Variants in FGF13 observed in about 807,000 individuals in gnomAD.
The protein encoded by FGF13 is fibroblast growth factor homologous factor 2.
Under a neutral mutation model 19.5 loss-of-function variants are expected in FGF13, and 2 were observed. The observed-to-expected ratio is 0.10, with a 90% CI of 0.04 to 0.32. The LOEUF is 0.32. FGF13 is among the 10% of genes least tolerant of loss of function. The pLI is 1.00. For missense variants in FGF13, 113 were observed against 192.7 expected (o/e 0.59, Z 2.45); for synonymous variants, 72 against 76.9 (o/e 0.94, Z 0.33).
rs7891298 is a variant in FGF13 at position 139,053,616 on chromosome X, C to G, written c.-113+149800G>C. On this transcript the variant is annotated intron_variant, in intron 1 of 2. Transcript: ENST00000421460. ...ATGGGACTGTGTGGTTATTTTCTTA[C>G]TGATTGGTTTGAGTTCCTTGTAGAT... is the stretch of plus-strand genomic sequence containing the variant. Among the ~76,000 whole-genome samples, 724 of 111,045 alleles carry G rather than the reference C, an allele frequency of 6.5e-3. 9 individuals carry two copies. Among genetic ancestry groups the G allele is most frequent in the African/African-American group, 0.022 (679 of 30,510 alleles).
At chrX:138,890,639 C>A (rs894584379) in intron 1 of FGF13, among the ~76,000 whole-genome samples, 1 of 111,949 alleles carries the variant, frequency 8.9e-6, no homozygotes, top group Non-Finnish European at 1.9e-5. Flanking sequence ...GAAGTTTTAG[C>A]ATTCTTTTTG....
At position 138,708,880 on chromosome X, in the gene FGF13, T is replaced by C; in HGVS notation, c.236A>G (p.Tyr79Cys). Residue 79 changes from tyrosine to cysteine, a missense_variant, in exon 2 of 5, where the codon TAC becomes TGC. Physicochemically the swap from Tyr to Cys is radical, Grantham distance 194 (BLOSUM62 -2). Around this residue, in one of 4 missense-constraint regions of FGF13, gnomAD observed 51 missense variants for 78.5 expected, o/e 0.65. Transcript: ENST00000315930. ...TCCATCCGCCTGCAGCTGCAAGTGG[T>C]AGCCTTGTCGGCTGTATAGCTTGGT... ...IVTKLYSRQG[Y>C]HLQLQADGTI... 8.3e-7 allele frequency: 1 copy of C among 1,210,571 alleles called. No individual in the cohort carries two copies. Among genetic ancestry groups the C allele is most frequent in the Non-Finnish European group, 1.1e-6 (1 of 894,203 alleles).
chrX:138,801,316 G>C (rs958445615), intron 3 of FGF13, among the ~76,000 whole-genome samples: 11 of 112,127 alleles, frequency 9.8e-5, no homozygotes, highest in Admixed American at 6.6e-4. Context: ...TTGTTTGTTA[G>C]TTTTTCTTCT....
At chrX:138,823,930 G>A (rs774392046) in intron 3 of FGF13, among the ~76,000 whole-genome samples, 1 of 111,936 alleles carries the variant, frequency 8.9e-6, no homozygotes, top group South Asian at 3.7e-4. Context: ...TCATTTTCTT[G>A]CATGTCCTAT....
intron 3 of FGF13, among the ~76,000 whole-genome samples, chrX:138,765,678 C>G (rs2090497660): frequency 1.8e-5 from 2 of 111,924 alleles, no homozygotes; most frequent in Admixed American, 9.5e-5. Flanking sequence ...TGAATCACCA[C>G]TGTGTCCTTT....
chrX:138,940,189 T>C (rs1384799385), intron 1 of FGF13, among the ~76,000 whole-genome samples: 1 of 111,954 alleles, frequency 8.9e-6, no homozygotes, highest in Non-Finnish European at 1.9e-5. Context: ...AGCTTTTTTT[T>C]ATATCCTTAT....
At chrX:138,705,020 C>T (rs1015150173) in intron 2 of FGF13, among the ~76,000 whole-genome samples, 3 of 111,485 alleles carry the variant, frequency 2.7e-5, no homozygotes, top group Non-Finnish European at 3.8e-5. Context: ...AGTAAGAGAC[C>T]ACAATCCCAT....
At chrX:138,971,464 C>G (rs1356640363) in intron 1 of FGF13, among the ~76,000 whole-genome samples, 1 of 111,674 alleles carries the variant, frequency 9.0e-6, no homozygotes, top group Admixed American at 9.5e-5. Context: ...ATTTGGTTGT[C>G]TTTTTTAATT....
At chrX:138,963,014 A>T (rs1397992041) in intron 1 of FGF13, among the ~76,000 whole-genome samples, 2 of 112,466 alleles carry the variant, frequency 1.8e-5, no homozygotes, top group African/African-American at 6.5e-5. Context: ...AAAAGAAAAA[A>T]AAAAGTGCAG....
intron 1 of FGF13, among the ~76,000 whole-genome samples, chrX:139,066,272 G>A (rs1034876552): frequency 9.0e-6 from 1 of 110,848 alleles, no homozygotes; most frequent in Non-Finnish European, 1.9e-5. Context: ...ACTAGAGAAG[G>A]AAGAGCAAAC....
At chrX:139,145,701 T>A (rs1402849055) in intron 1 of FGF13, among the ~76,000 whole-genome samples, 1 of 110,456 alleles carries the variant, frequency 9.1e-6, no homozygotes, top group Admixed American at 9.7e-5. Flanking sequence ...CCTTCCCTCC[T>A]CTCCAACTGG....
At chrX:138,959,243 A>T (rs1356205183) in intron 1 of FGF13, among the ~76,000 whole-genome samples, 2 of 111,757 alleles carry the variant, frequency 1.8e-5, no homozygotes, top group Admixed American at 1.9e-4. Flanking sequence ...ACTGGTTCGA[A>T]GCACATCTTT....
intron 3 of FGF13, among the ~76,000 whole-genome samples, chrX:138,698,545 G>A (rs1432181620): frequency 9.0e-6 from 1 of 111,573 alleles, no homozygotes; most frequent in Non-Finnish European, 1.9e-5. Flanking sequence ...CTTCAGTGGC[G>A]TGTCCTCAGT....
intron 3 of FGF13, among the ~76,000 whole-genome samples, chrX:138,815,568 A>C (rs1264783308): frequency 9.0e-6 from 1 of 110,649 alleles, no homozygotes; most frequent in African/African-American, 3.3e-5. Context: ...AGAAATAGAC[A>C]TAAGAAAATA....
intron 1 of FGF13, among the ~76,000 whole-genome samples, chrX:138,724,287 C>T (rs2090169358): frequency 9.0e-6 from 1 of 111,598 alleles, no homozygotes; most frequent in African/African-American, 3.3e-5. Flanking sequence ...CATAGAAGGG[C>T]CATGGGATCA....
chrX:139,092,662 C>T (rs770933837), intron 1 of FGF13, among the ~76,000 whole-genome samples: 5 of 111,907 alleles, frequency 4.5e-5, no homozygotes, highest in African/African-American at 1.3e-4. Flanking sequence ...ATTTACCAAT[C>T]GAAATGCTTC....
At chrX:139,076,887 A>C (rs1168289857) in intron 1 of FGF13, among the ~76,000 whole-genome samples, 1 of 112,483 alleles carries the variant, frequency 8.9e-6, no homozygotes, top group Non-Finnish European at 1.9e-5. Flanking sequence ...TTTGCCCAGA[A>C]GTATAAGAGG....
chrX:138,929,407 A>G (rs940402585), intron 1 of FGF13, among the ~76,000 whole-genome samples: 1 of 111,125 alleles, frequency 9.0e-6, no homozygotes, highest in African/African-American at 3.3e-5. Flanking sequence ...ATCCTACCAC[A>G]AGATCTAGGG....
At chrX:138,918,933 C>T (rs766921834) in intron 1 of FGF13, among the ~76,000 whole-genome samples, 2 of 111,621 alleles carry the variant, frequency 1.8e-5, no homozygotes, top group Non-Finnish European at 3.8e-5. Context: ...TTCCCTTATG[C>T]CTTCCAGTGT....
Sources: gnomAD v4.1 joint callset for allele counts (sites outside exome capture counted in the v4.1 genomes callset) on GRCh38, gnomAD v4.1.1 for gene constraint, gnomAD v4.1.1 regional missense constraint, MANE v1.5 for transcripts, NCBI Gene and HGNC (gene_info 2026-07-23, HGNC 2026-07-21) for gene names.